GRID2: variants seen among roughly 807,000 people sequenced by gnomAD.
GRID2 encodes glutamate ionotropic receptor delta type subunit 2, also known as glutamate receptor ionotropic, delta-2.
Under a neutral mutation model 114.8 loss-of-function variants are expected in GRID2, and 33 were observed. The ratio of observed to expected loss-of-function variants is 0.29; its 90% confidence interval spans 0.22 to 0.38. GRID2 has a LOEUF of 0.38. Among genes scored for constraint, GRID2 ranks in the 10% least tolerant of loss-of-function variants. GRID2 has a pLI of 1.00. For synonymous variants in GRID2, 505 were observed against 449.9 expected, an observed-to-expected ratio of 1.12 and a Z score of -1.55; for missense variants, 1,184 against 1,257.7, an observed-to-expected ratio of 0.94 and a Z score of 0.89.
chr4:92,777,154 A>G (rs1738847256), intron 2 of GRID2, among the ~76,000 whole-genome samples: 1 of 151,582 alleles, frequency 6.6e-6, no homozygotes. Context: ...ACTGGTAAAA[A>G]TTACCTTGAA....
At chr4:93,099,083 C>G (rs969999177) in intron 3 of GRID2, among the ~76,000 whole-genome samples, 27 of 148,160 alleles carry the variant, frequency 1.8e-4, no homozygotes, top group African/African-American at 5.0e-4. Flanking sequence ...TTGTTTGGGT[C>G]CTTTTCCATT....
chr4:92,460,032 C>CTATATGTATATATATATATATATATATA (rs1721407238), intron 1 of GRID2, among the ~76,000 whole-genome samples: 2 of 48,440 alleles, frequency 4.1e-5, no homozygotes, highest in African/African-American at 2.0e-4. Flanking sequence ...ATAAATCTCA[C>CTATATGTATATATATATATATATATATA]TATATATATA....
intron 2 of GRID2, among the ~76,000 whole-genome samples, chr4:93,022,214 A>G (rs1723435034): frequency 6.6e-6 from 1 of 151,836 alleles, no homozygotes; most frequent in Non-Finnish European, 1.5e-5. Context: ...ATACACACAC[A>G]CACAAACACA....
At chr4:92,856,504 T>A (rs1271381778) in intron 2 of GRID2, among the ~76,000 whole-genome samples, 1 of 152,188 alleles carries the variant, frequency 6.6e-6, no homozygotes, top group Non-Finnish European at 1.5e-5. Context: ...TGTGTGTTTC[T>A]GTTGCATTTT....
At chr4:92,422,583 C>T (rs1367903073) in intron 1 of GRID2, among the ~76,000 whole-genome samples, 1 of 151,854 alleles carries the variant, frequency 6.6e-6, no homozygotes, top group Non-Finnish European at 1.5e-5. Flanking sequence ...TGAAGCTGTC[C>T]TCTTGTGTTG....
At chr4:93,151,974 A>G (rs912058314) in intron 4 of GRID2, among the ~76,000 whole-genome samples, 1 of 152,110 alleles carries the variant, frequency 6.6e-6, no homozygotes, top group Non-Finnish European at 1.5e-5. Context: ...CTTCATATAG[A>G]ATGCAAGCTG....
At chr4:93,418,165 G>T (rs1050626265) in intron 9 of GRID2, among the ~76,000 whole-genome samples, 3 of 151,300 alleles carry the variant, frequency 2.0e-5, no homozygotes, top group Non-Finnish European at 4.4e-5. Flanking sequence ...CTTCTATTTC[G>T]ACTTCTAGAA....
chr4:93,006,004 T>C (rs1027531343), intron 2 of GRID2, among the ~76,000 whole-genome samples: 8 of 152,074 alleles, frequency 5.3e-5, no homozygotes, highest in African/African-American at 1.4e-4. Context: ...TTCTATTTGC[T>C]TGGATTTCTC....
At chr4:92,812,425 C>A (rs1740706669) in intron 2 of GRID2, among the ~76,000 whole-genome samples, 1 of 151,944 alleles carries the variant, frequency 6.6e-6, no homozygotes, top group Non-Finnish European at 1.5e-5. Context: ...ACTCTCTTCC[C>A]TGAGAAAATG....
At chr4:93,264,842 G>A (rs925020117) in intron 8 of GRID2, among the ~76,000 whole-genome samples, 1 of 149,980 alleles carries the variant, frequency 6.7e-6, no homozygotes, top group Non-Finnish European at 1.5e-5. Context: ...GAGTGCAGTG[G>A]CACAATCTCA....
chr4:92,849,465 A>C (rs1391298706), intron 2 of GRID2, among the ~76,000 whole-genome samples: 1 of 151,946 alleles, frequency 6.6e-6, no homozygotes, highest in Non-Finnish European at 1.5e-5. Flanking sequence ...TGTCAAAGGC[A>C]GGTAAAAGGC....
chr4:93,445,286 G>A (rs970479334), intron 10 of GRID2, among the ~76,000 whole-genome samples: 2 of 151,952 alleles, frequency 1.3e-5, no homozygotes, highest in Admixed American at 6.6e-5. Flanking sequence ...CTCTGGAAGC[G>A]TGATAAACCT....
intron 4 of GRID2, among the ~76,000 whole-genome samples, chr4:93,186,506 C>T (rs1740435845): frequency 6.6e-6 from 1 of 152,050 alleles, no homozygotes. Context: ...AAAAAAAGTG[C>T]CGTACATATA....
intron 4 of GRID2, among the ~76,000 whole-genome samples, chr4:93,126,221 T>C (rs1191484611): frequency 6.6e-6 from 1 of 152,234 alleles, no homozygotes; most frequent in Non-Finnish European, 1.5e-5. Context: ...TTCTCTAATT[T>C]GGAAATGTTT....
intron 1 of GRID2, among the ~76,000 whole-genome samples, chr4:92,550,943 C>A (rs1052308305): frequency 6.6e-6 from 1 of 152,126 alleles, no homozygotes; most frequent in African/African-American, 2.4e-5. Flanking sequence ...AAAAATCAGT[C>A]ATAAATTGTT....
chr4:93,110,173 G>T (rs533988976), intron 3 of GRID2, among the ~76,000 whole-genome samples: 1 of 152,150 alleles, frequency 6.6e-6, no homozygotes, highest in Non-Finnish European at 1.5e-5. Context: ...AGCTAAGGAG[G>T]TAATACTAAT....
intron 2 of GRID2, among the ~76,000 whole-genome samples, chr4:92,987,594 TAAAA>T (rs549094100): frequency 6.7e-6 from 1 of 148,610 alleles, no homozygotes; most frequent in Non-Finnish European, 1.5e-5. Flanking sequence ...AAAGTATAAT[TAAAA>T]AAAAATAAAA....
At chr4:93,207,323 C>T in intron 4 of GRID2, 81 bp from the exon 5 acceptor site, 1 of 948,466 alleles carries the variant, frequency 1.1e-6, no homozygotes, top group Non-Finnish European at 1.7e-6. Context: ...CATTTTTTGT[C>T]ATTTGCAAAG....
Position 93,455,931 on chromosome 4 carries a change from C to G in GRID2, c.1815C>G (p.Leu605=). The G allele has an allele frequency of 6.2e-7, 1 of 1,611,158 alleles. No individual in the cohort carries two copies. Among genetic ancestry groups the G allele is most frequent in the African/African-American group, 1.3e-5 (1 of 74,932 alleles). ...TGGGATCAATGACGTCTACTACTCTCTACAACTCCATGTGGTTTGTGTATG... is the reference window on the plus strand; with the variant it reads ...TGGGATCAATGACGTCTACTACTCTGTACAACTCCATGTGGTTTGTGTATG... ...LQMGSMTSTT[L]YNSMWFVYGS... Residue 605 remains leucine, a synonymous_variant, in exon 11 of 16, where the codon CTC becomes CTG. Coordinates refer to ENST00000282020, the MANE Select transcript of GRID2 (RefSeq NM_001510.4).
Sources: gnomAD v4.1 joint callset for allele counts (sites outside exome capture counted in the v4.1 genomes callset) on GRCh38, gnomAD v4.1.1 for gene constraint, MANE v1.5 for transcripts, NCBI Gene and HGNC (gene_info 2026-07-23, HGNC 2026-07-21) for gene names.